MED13L: variants seen among roughly 807,000 people sequenced by gnomAD.
The protein encoded by MED13L is mediator complex subunit 13L, also known as mediator of RNA polymerase II transcription subunit 13-like.
A neutral mutation model predicts 220.9 loss-of-function variants in MED13L; 7 were observed. The observed-to-expected ratio is 0.03, with a 90% confidence interval of 0.02 to 0.06. MED13L has a LOEUF of 0.06. Among genes scored for constraint, MED13L ranks in the 10% least tolerant of loss-of-function variants. MED13L has a pLI of 1.00. For synonymous variants in MED13L, 1,011 were observed against 1,015.2 expected (o/e 1.00, Z 0.08); for missense variants, 1,965 against 2,760.5 (o/e 0.71, Z 6.46).
intron 2 of MED13L, among the ~76,000 whole-genome samples, chr12:116,160,066 A>T (rs780441923): frequency 6.6e-6 from 1 of 152,226 alleles, no homozygotes; most frequent in Non-Finnish European, 1.5e-5. Context: ...CTTGCACAGA[A>T]CAAAATAATA....
chr12:116,112,346 TTGTTATC>T (rs1489119125), intron 2 of MED13L, among the ~76,000 whole-genome samples: 1 of 152,184 alleles, frequency 6.6e-6, no homozygotes, highest in East Asian at 1.9e-4. Context: ...TCTCTTTTAC[TTGTTATC>T]TTGACAAAAG....
At chr12:116,229,445 T>A (rs932354891) in intron 2 of MED13L, among the ~76,000 whole-genome samples, 1 of 152,206 alleles carries the variant, frequency 6.6e-6, no homozygotes, top group Non-Finnish European at 1.5e-5. Context: ...AACTTTTTTT[T>A]ACCAATTCTT....
At chr12:116,045,581 A>C (rs1259914903) in intron 4 of MED13L, among the ~76,000 whole-genome samples, 1 of 152,192 alleles carries the variant, frequency 6.6e-6, no homozygotes, top group Non-Finnish European at 1.5e-5. Context: ...ATAAAATATG[A>C]GTCACAGCGT....
chr12:116,082,839 G>A (rs1373072020), intron 4 of MED13L, among the ~76,000 whole-genome samples: 3 of 152,106 alleles, frequency 2.0e-5, no homozygotes, highest in African/African-American at 7.2e-5. Context: ...TCTAAGGGAG[G>A]GAATGTTATG....
At chr12:116,240,644 T>C (rs567515253) in intron 1 of MED13L, among the ~76,000 whole-genome samples, 5 of 151,844 alleles carry the variant, frequency 3.3e-5, no homozygotes, top group African/African-American at 1.2e-4. Context: ...ACCATTCTCC[T>C]GCCTCAGCCT....
intron 2 of MED13L, among the ~76,000 whole-genome samples, chr12:116,202,882 A>G (rs913912618): frequency 3.3e-5 from 5 of 152,236 alleles, no homozygotes; most frequent in African/African-American, 1.2e-4. Flanking sequence ...AGAATCTCAA[A>G]AATGTAAGAA....
At chr12:116,276,138 C>G (rs1449111890) in intron 1 of MED13L, among the ~76,000 whole-genome samples, 1 of 152,208 alleles carries the variant, frequency 6.6e-6, no homozygotes, top group Non-Finnish European at 1.5e-5. Context: ...AATCTAGACA[C>G]CGTCGGCGGG....
chr12:116,152,535 T>C (rs911284562), intron 2 of MED13L, among the ~76,000 whole-genome samples: 2 of 152,104 alleles, frequency 1.3e-5, no homozygotes, highest in African/African-American at 4.8e-5. Flanking sequence ...CCCTTGCGGC[T>C]TGCCACCTTC....
chr12:116,000,950 A>C (rs1185000308), intron 14 of MED13L, among the ~76,000 whole-genome samples: 1 of 150,686 alleles, frequency 6.6e-6, no homozygotes, highest in African/African-American at 2.4e-5. Flanking sequence ...CTTCATACCA[A>C]AAAAAAAAGT....
intron 1 of MED13L, among the ~76,000 whole-genome samples, chr12:116,266,703 T>C (rs1317156437): frequency 6.6e-6 from 1 of 152,224 alleles, no homozygotes; most frequent in Non-Finnish European, 1.5e-5. Flanking sequence ...AGATGGGAGT[T>C]TTTTTGTGAA....
intron 10 of MED13L, chr12:116,008,047 G>A: frequency 3.0e-6 from 1 of 327,976 alleles, no homozygotes; most frequent in East Asian, 5.9e-5. Flanking sequence ...CTGAATGCAG[G>A]CAAAGCCTTC....
chr12:116,198,999 TAA>T (rs1881833122), intron 2 of MED13L, among the ~76,000 whole-genome samples: 1 of 152,116 alleles, frequency 6.6e-6, no homozygotes, highest in African/African-American at 2.4e-5. Flanking sequence ...TAGGAACCAC[TAA>T]AGTTTCTATG....
chr12:116,065,780 CA>C, intron 4 of MED13L, among the ~76,000 whole-genome samples: 1 of 152,170 alleles, frequency 6.6e-6, no homozygotes, highest in African/African-American at 2.4e-5. Flanking sequence ...TAGTCAGATA[CA>C]TTATTTTATT....
At position 116,111,447 on chromosome 12, in the gene MED13L, T is replaced by A. The variant is rs1281449393; in HGVS notation, c.376A>T (p.Ile126Phe). 1 of 1,612,452 alleles carries A rather than the reference T, an allele frequency of 6.2e-7. No homozygotes were observed. Among genetic ancestry groups the A allele is most frequent in the South Asian group, 1.1e-5 (1 of 91,024 alleles). ...TCTTACCTTTCTAACAGATTGTGGA[T>A]CGCTTTGAAGAGCAGCGTCCTACAT... ...YECRTLLFKAIHNLLERCLMD... is the reference protein window; with the variant it reads ...YECRTLLFKAFHNLLERCLMD... Residue 126 changes from isoleucine to phenylalanine, a missense_variant, in exon 3 of 31, where the codon ATC becomes TTC. By Grantham distance (21) the Ile-to-Phe change is conservative. Transcript: ENST00000281928.
At chr12:116,054,259 G>A (rs1272186764) in intron 4 of MED13L, among the ~76,000 whole-genome samples, 3 of 151,382 alleles carry the variant, frequency 2.0e-5, no homozygotes, top group Admixed American at 1.3e-4. Context: ...ATTTCCTCCT[G>A]CATTTTCTCA....
intron 1 of MED13L, among the ~76,000 whole-genome samples, chr12:116,252,997 C>A (rs1008052441): frequency 6.6e-6 from 1 of 152,156 alleles, no homozygotes; most frequent in Non-Finnish European, 1.5e-5. Flanking sequence ...CGTGATGGCT[C>A]ACGCCTATAA....
At chr12:116,050,926 C>A (rs537138797) in intron 4 of MED13L, among the ~76,000 whole-genome samples, 6 of 152,072 alleles carry the variant, frequency 3.9e-5, no homozygotes, top group Non-Finnish European at 8.8e-5. Flanking sequence ...GAGTGAGACT[C>A]CATCTCAAGA....
chr12:116,024,773 C>CGGAG (rs1555250405), intron 4 of MED13L, among the ~76,000 whole-genome samples: 2 of 5,098 alleles, frequency 3.9e-4, no homozygotes, highest in African/African-American at 1.4e-3. Flanking sequence ...TTTGGCGGGG[C>CGGAG]GGGGGGGGGG....
chr12:116,049,322 T>G (rs1882018067), intron 4 of MED13L, among the ~76,000 whole-genome samples: 1 of 152,206 alleles, frequency 6.6e-6, no homozygotes, highest in Non-Finnish European at 1.5e-5. Flanking sequence ...GCCAAAAGGC[T>G]TGAAATTAAA....
Sources: gnomAD v4.1 joint callset for allele counts (sites outside exome capture counted in the v4.1 genomes callset) on GRCh38, gnomAD v4.1.1 for gene constraint, MANE v1.5 for transcripts, NCBI Gene and HGNC (gene_info 2026-07-23, HGNC 2026-07-21) for gene names.